Variants in WDR75 observed in about 807,000 individuals in gnomAD.
WDR75 encodes the protein WD repeat-containing protein 75.
A neutral mutation model predicts 106.1 loss-of-function variants in WDR75; 52 were observed. The ratio of observed to expected loss-of-function variants is 0.49; its 90% CI spans 0.39 to 0.62. The LOEUF is 0.62. Ranked by LOEUF, WDR75 falls within the 20% of genes least tolerant of loss-of-function variation. The pLI, the probability that WDR75 is intolerant of heterozygous loss-of-function variation, is 0.00. For missense variants in WDR75, 905 were observed against 970.3 expected (o/e 0.93, Z 0.89); for synonymous variants, 333 against 335.5 (o/e 0.99, Z 0.08).
intron 9 of WDR75, among the ~76,000 whole-genome samples, chr2:189,463,181 T>G (rs1264730118): frequency 6.6e-6 from 1 of 152,210 alleles, no homozygotes; most frequent in Non-Finnish European, 1.5e-5. Flanking sequence ...AGCAGTCCAT[T>G]TAGTGGCATG....
intron 20 of WDR75, 134 bp downstream of exon 20, chr2:189,474,942 T>C: frequency 1.2e-6 from 1 of 810,360 alleles, no homozygotes; most frequent in Non-Finnish European, 2.0e-6. Context: ...TTAAAGGCTA[T>C]AGGATTATTA....
At chr2:189,460,594 TC>T (rs1287537979) in intron 8 of WDR75, among the ~76,000 whole-genome samples, 2 of 152,016 alleles carry the variant, frequency 1.3e-5, no homozygotes, top group Admixed American at 6.6e-5. Context: ...AACCTCGACT[TC>T]CTGGGCTCAA....
Position 189,467,491 on chromosome 2 carries a change from G to A in WDR75, c.1471G>A (p.Asp491Asn), listed in dbSNP as rs1687026814. The A allele has an allele frequency of 6.2e-7, 1 of 1,600,804 alleles. No homozygotes were observed. Among genetic ancestry groups the A allele is most frequent in the Non-Finnish European group, 8.5e-7 (1 of 1,174,082 alleles). The change falls in exon 14 of 21, where the codon GAC (aspartate) becomes AAC (asparagine). Residue 491 changes from aspartate to asparagine, a missense_variant. Physicochemically the swap from Asp to Asn is conservative, Grantham distance 23. Coordinates refer to ENST00000314761, the MANE Select transcript of WDR75 (RefSeq NM_032168.3). ...AGAAAAAGCTGTTGGCTGGACCTGTGACTTTGTTGGTAGTTATCACAAGTA... is the reference window on the plus strand; with the variant it reads ...AGAAAAAGCTGTTGGCTGGACCTGTAACTTTGTTGGTAGTTATCACAAGTA... ...IYKKAVGWTC[D>N]FVGSYHKYQA...
intron 18 of WDR75, among the ~76,000 whole-genome samples, chr2:189,471,738 T>G (rs1687123982): frequency 6.6e-6 from 1 of 152,180 alleles, no homozygotes; most frequent in South Asian, 2.1e-4. Context: ...TTCACCATCA[T>G]TCTGGGGATT....
Position 189,465,181 on chromosome 2 carries a change from G to C in WDR75, c.1216G>C (p.Glu406Gln). The change falls in exon 12 of 21, where the codon GAA becomes CAA. Residue 406 changes from glutamate to glutamine, a missense_variant. Glu to Gln is a conservative substitution (Grantham distance 29). Coordinates refer to ENST00000314761, the MANE Select transcript of WDR75 (RefSeq NM_032168.3). ...CTTTGGTAACTGGCTTGCAACAGTG[G>C]AACAGCGGCAAGAAAAGGAAACTGA... ...GCFGNWLATVEQRQEKETELE... is the reference protein window; with the variant it reads ...GCFGNWLATVQQRQEKETELE... 6.2e-7 allele frequency: 1 copy of C among 1,613,172 alleles called. No homozygotes were observed. Among genetic ancestry groups the C allele is most frequent in the Non-Finnish European group, 8.5e-7 (1 of 1,179,394 alleles).
Position 189,462,471 on chromosome 2 carries a change from A to G in WDR75, c.779-13A>G. Reference sequence around the variant, plus strand: ...AAACACCATCCTTTTAATTTCCTTGAATGGATATGAAGGCACCAGTCTGCT... The same window carrying G: ...AAACACCATCCTTTTAATTTCCTTGGATGGATATGAAGGCACCAGTCTGCT... On this transcript the variant is annotated splice_polypyrimidine_tract_variant and intron_variant, in intron 8 of 20. Transcript: ENST00000314761. 6.2e-7 allele frequency: 1 copy of G among 1,607,338 alleles called. No homozygotes were observed. Among genetic ancestry groups the G allele is most frequent in the East Asian group, 2.2e-5 (1 of 44,846 alleles).
intron 2 of WDR75, chr2:189,449,682 C>T (rs1558981633): frequency 2.0e-6 from 2 of 992,270 alleles, no homozygotes; most frequent in Non-Finnish European, 2.4e-6. Context: ...TGTGTATTAA[C>T]CATTGTTTTG....
chr2:189,466,869 A>T (rs1687012856), intron 13 of WDR75, among the ~76,000 whole-genome samples: 1 of 152,154 alleles, frequency 6.6e-6, no homozygotes, highest in South Asian at 2.1e-4. Context: ...CACTAGAGGG[A>T]GGTCAAGGTC....
At chr2:189,448,531 ATACTT>A in intron 2 of WDR75, 23 bp downstream of exon 2, 2 of 1,609,122 alleles carry the variant, frequency 1.2e-6, no homozygotes, top group South Asian at 2.2e-5. Context: ...TTATAGCTGA[ATACTT>A]TAAGACTGGC....
In WDR75 at chr2:189,446,572, A is replaced by G. The variant is rs367678646; in HGVS notation, c.87-1807A>G. 8.5e-5 allele frequency among the ~76,000 whole-genome samples: 13 copies of G among 152,348 alleles called. No homozygotes were observed. The South Asian group carries it at 2.7e-3, about 32-fold the overall frequency. On this transcript the variant is annotated intron_variant, in intron 1 of 20. Coordinates refer to ENST00000314761, the MANE Select transcript of WDR75 (RefSeq NM_032168.3). ...ATGCATTCTAATTTCAAAGAGATGA[A>G]CAAGTGAAAATCAAGTGTCTTGAAC...
chr2:189,466,323 G>C, intron 12 of WDR75, 102 bp from the exon 13 acceptor site: 1 of 1,290,216 alleles, frequency 7.8e-7, no homozygotes, highest in Non-Finnish European at 1.1e-6. Flanking sequence ...TCAGTTGCCT[G>C]TTGTTCAAGA....
At chr2:189,442,622 G>T (rs183659126) in intron 1 of WDR75, among the ~76,000 whole-genome samples, 1 of 151,660 alleles carries the variant, frequency 6.6e-6, no homozygotes, top group African/African-American at 2.4e-5. Context: ...GCTAATTTTT[G>T]TATTTTTAGT....
At position 189,448,395 on chromosome 2, in the gene WDR75, T is replaced by G; in HGVS notation, c.103T>G (p.Ser35Ala). 4.3e-6 allele frequency: 7 copies of G among 1,613,776 alleles called. No homozygotes were observed. The highest frequency in any genetic ancestry group is 5.9e-6 in the Non-Finnish European group (7 of 1,179,746). Reference sequence around the variant, plus strand: ...TTTTTCCAGGTATATCTTCTGTGTCTCTGGAGACTTTGTTAAAGTTTACAG... The same window carrying G: ...TTTTTCCAGGTATATCTTCTGTGTCGCTGGAGACTTTGTTAAAGTTTACAG... ...SADSKYIFCVSGDFVKVYSTV... is the reference protein window; with the variant it reads ...SADSKYIFCVAGDFVKVYSTV... Residue 35 changes from serine to alanine, a missense_variant, in exon 2 of 21, where the codon TCT becomes GCT. Ser to Ala is a moderately conservative substitution (Grantham distance 99). Transcript: ENST00000314761.
chr2:189,445,642 T>C (rs1341545319), intron 1 of WDR75, among the ~76,000 whole-genome samples: 1 of 152,090 alleles, frequency 6.6e-6, no homozygotes, highest in East Asian at 1.9e-4. Context: ...AGTGAAGAGC[T>C]CCAAATAAAT....
chr2:189,474,851 A>T (rs770919472), intron 20 of WDR75, 43 bp downstream of exon 20: 8 of 1,483,492 alleles, frequency 5.4e-6, no homozygotes, highest in Admixed American at 1.7e-5. Flanking sequence ...CTCTTTTGGG[A>T]AACAGGATCG....
chr2:189,472,906 G>GAA (rs77978987), intron 18 of WDR75, among the ~76,000 whole-genome samples: 1 of 149,974 alleles, frequency 6.7e-6, no homozygotes, highest in African/African-American at 2.5e-5. Context: ...TATGCTAGAG[G>GAA]AAAAAAAAAA....
At chr2:189,468,625 A>G (rs566774878) in intron 15 of WDR75, 56 bp downstream of exon 15, 1 of 1,568,950 alleles carries the variant, frequency 6.4e-7, no homozygotes, top group South Asian at 1.1e-5. Context: ...AGTTGACATT[A>G]AACTTTGGCA....
chr2:189,446,196 C>T (rs1166423771), intron 1 of WDR75, among the ~76,000 whole-genome samples: 1 of 152,180 alleles, frequency 6.6e-6, no homozygotes, highest in Non-Finnish European at 1.5e-5. Context: ...ATCAGACTAC[C>T]AAAGCCTTAA....
In WDR75 at chr2:189,465,236, A is replaced by G; in HGVS notation, c.1271A>G (p.Tyr424Cys). ...ELELQMKLWM[Y>C]NKKTQGFILN... ...GAATTGCAAATGAAACTGTGGATGT[A>G]TAATAAGAAAACACAAGGGTAATAC... Residue 424 changes from tyrosine to cysteine, a missense_variant, in exon 12 of 21, where the codon TAT (tyrosine) becomes TGT (cysteine). Coordinates refer to ENST00000314761, the MANE Select transcript of WDR75 (RefSeq NM_032168.3). The G allele has an allele frequency of 6.2e-7, 1 of 1,612,386 alleles. No individual in the cohort carries two copies. The highest frequency in any genetic ancestry group is 1.3e-5 in the African/African-American group (1 of 74,962).
Sources: gnomAD v4.1 joint callset for allele counts (sites outside exome capture counted in the v4.1 genomes callset) on GRCh38, gnomAD v4.1.1 for gene constraint, MANE v1.5 for transcripts, NCBI Gene and HGNC (gene_info 2026-07-23, HGNC 2026-07-21) for gene names.